NUP188: variants seen among roughly 807,000 people sequenced by gnomAD.
NUP188 encodes the protein nucleoporin 188.
Under a neutral mutation model 223.0 loss-of-function variants are expected in NUP188, and 97 were observed. That is an observed-to-expected ratio of 0.43 (90% CI 0.37 to 0.51). The LOEUF is 0.51. Among genes scored for constraint, NUP188 ranks in the 20% least tolerant of loss-of-function variants. The pLI, the probability that NUP188 is intolerant of heterozygous loss-of-function variation, is 0.00. For missense variants in NUP188, 1,947 were observed against 2,175.6 expected (o/e 0.89, Z 2.09); for synonymous variants, 869 against 828.0 (o/e 1.05, Z -0.85).
At chr9:128,969,074 T>C (rs894491407) in intron 9 of NUP188, among the ~76,000 whole-genome samples, 1 of 152,206 alleles carries the variant, frequency 6.6e-6, no homozygotes, top group African/African-American at 2.4e-5. Context: ...CTATGGACTT[T>C]AAATTTCTTG....
At position 129,006,222 on chromosome 9, in the gene NUP188, C is replaced by T; in HGVS notation, c.4944-17C>T. Reference sequence around the variant, plus strand: ...TGGCCCTCTGCAGCAGTACCAAAAACCTGTGTCTCCTCCCAGGTCCCTCCT... The same window carrying T: ...TGGCCCTCTGCAGCAGTACCAAAAATCTGTGTCTCCTCCCAGGTCCCTCCT... On this transcript the variant is annotated splice_polypyrimidine_tract_variant and intron_variant, in intron 42 of 43. Transcript: ENST00000372577. The T allele has an allele frequency of 6.2e-7, 1 of 1,614,192 alleles. No individual in the cohort carries two copies. Among genetic ancestry groups the T allele is most frequent in the Non-Finnish European group, 8.5e-7 (1 of 1,180,038 alleles).
In NUP188 at chr9:128,970,768, G is replaced by T. The variant is rs751612765; in HGVS notation, c.923G>T (p.Cys308Phe). 6.2e-7 allele frequency: 1 copy of T among 1,614,108 alleles called. No individual in the cohort carries two copies. The part of the protein sequence containing the change: ...QDGLICQDMD[C>F]LMLTFGDIPH... ...TTCTTCTCTCACTAGGATATGGACT[G>T]TTTAATGTTGACCTTTGGGGACATT... is the stretch of plus-strand genomic sequence containing the variant. Residue 308 changes from cysteine (C) to phenylalanine (F), a missense_variant, in exon 11 of 44, where the codon TGT (cysteine) becomes TTT (phenylalanine). Around this residue, in one of 3 missense-constraint regions of NUP188, gnomAD observed 817 missense variants for 865.8 expected, o/e 0.94. Coordinates refer to ENST00000372577, the MANE Select transcript of NUP188 (RefSeq NM_015354.3).
rs1346817826 is a variant in NUP188 at position 128,959,091 on chromosome 9, A to G, written c.542A>G (p.Tyr181Cys). The G allele has an allele frequency of 6.2e-7, 1 of 1,604,336 alleles. No individual in the cohort carries two copies. The highest frequency in any genetic ancestry group is 1.7e-5 in the Admixed American group (1 of 59,364). ...SKYRQQFEEL[Y>C]KTEAPTWETH... ...TACAGACAGCAGTTCGAAGAGCTTT[A>G]TAAAACTGAAGCACCAACTTGGGAG... Residue 181 changes from tyrosine to cysteine, a missense_variant, in exon 8 of 44, where the codon TAT becomes TGT. Around this residue, in one of 3 missense-constraint regions of NUP188, gnomAD observed 817 missense variants for 865.8 expected, o/e 0.94. Transcript: ENST00000372577.
intron 11 of NUP188, 78 bp from the exon 12 acceptor site, chr9:128,973,082 G>C (rs1408328871): frequency 2.3e-5 from 18 of 770,526 alleles, no homozygotes; most frequent in Non-Finnish European, 2.7e-5. Flanking sequence ...AAGAATATAT[G>C]AATGCGATAG....
Position 128,947,724 on chromosome 9 carries a change from C to A in NUP188, c.5C>A (p.Ala2Glu). The A allele has an allele frequency of 6.8e-7, 1 of 1,468,042 alleles. No individual in the cohort carries two copies. The allele number at this position is 1,468,042 out of a possible 1,614,324, so 90.9% of individuals were successfully genotyped here. A position where few individuals can be genotyped will look rare whatever the true frequency, so the allele number is the denominator to read the frequency against. Residue 2 changes from alanine (A) to glutamate (E), a missense_variant, in exon 1 of 44, where the codon GCG becomes GAG. Coordinates refer to ENST00000372577, the MANE Select transcript of NUP188 (RefSeq NM_015354.3). ...AGGGCGAGCGGGCGCGCGAAGATGG[C>A]GGCGGCCGCCGGCGGGCCGTGTGTG... M[A>E]AAAGGPCVRS...
At chr9:128,973,416 T>C (rs1410688404) in intron 12 of NUP188, among the ~76,000 whole-genome samples, 167 bp downstream of exon 12, 3 of 152,190 alleles carry the variant, frequency 2.0e-5, no homozygotes, top group Non-Finnish European at 2.9e-5. Context: ...GGAGTCCTGC[T>C]CTGTCCCCCA....
intron 5 of NUP188, among the ~76,000 whole-genome samples, chr9:128,957,495 C>T (rs1278158894): frequency 1.3e-5 from 2 of 151,282 alleles, no homozygotes; most frequent in African/African-American, 2.4e-5. Context: ...GATGGAGTTT[C>T]GCTCTGTCTC....
chr9:129,001,807 C>G, intron 35 of NUP188, 77 bp from the exon 36 acceptor site: 2 of 1,594,922 alleles, frequency 1.3e-6, no homozygotes, highest in South Asian at 1.1e-5. Context: ...AAGCTGTGAT[C>G]TAGCCTGAGA....
At chr9:129,001,036 C>CA (rs1173311153) in intron 34 of NUP188, among the ~76,000 whole-genome samples, 2 of 151,530 alleles carry the variant, frequency 1.3e-5, no homozygotes, top group African/African-American at 2.4e-5. Flanking sequence ...GGCTCCATCT[C>CA]AAAAAAAATG....
Position 128,999,880 on chromosome 9 carries a change from AGT to A in NUP188, c.3843+77_3843+78del. On this transcript the variant is annotated intron_variant, in intron 34 of 43. Coordinates refer to ENST00000372577, the MANE Select transcript of NUP188 (RefSeq NM_015354.3). ...TCTGTGCCTGACTCTGGGGATAAGT[AGT>A]GATCAAGACAGATAGTCGCTGCACT... 3 of 1,404,366 alleles carry A rather than the reference AGT, an allele frequency of 2.1e-6. No individual in the cohort carries two copies. In the South Asian group the frequency reaches 3.7e-5, roughly 17 times the overall value. 87.0% of individuals were successfully genotyped at this position (1,404,366 alleles called of 1,614,324 possible).
At position 129,005,626 on chromosome 9, in the gene NUP188, CTCT is replaced by C. The variant is rs1564569978; in HGVS notation, c.4738-17_4738-15del. On this transcript the variant is annotated splice_polypyrimidine_tract_variant and intron_variant, in intron 40 of 43. Transcript: ENST00000372577. The stretch of plus-strand genomic sequence containing the variant: ...GGGGCCTTAATTGGGTCCTGGATGG[CTCT>C]TGTCTTTTCTCGCAGTCCCTGGACC... 1.2e-6 allele frequency: 2 copies of C among 1,612,414 alleles called. No homozygotes were observed. Among genetic ancestry groups the C allele is most frequent in the South Asian group, 2.2e-5 (2 of 90,800 alleles).
rs866403134 is a variant in NUP188, at chr9:128,988,157, C to T, written c.2504C>T (p.Ser835Phe). The stretch of plus-strand genomic sequence containing the variant: ...CTGAAACCTCCTTCTAATGTGGTGT[C>T]CCCCCTGGAACAGGCTCTCTCACAA... The part of the protein sequence containing the change: ...IRLKPPSNVV[S>F]PLEQALSQHG... The change falls in exon 24 of 44, where the codon TCC (serine) becomes TTC (phenylalanine). Residue 835 changes from serine (S) to phenylalanine (F), a missense_variant. Ser to Phe is a radical substitution (Grantham distance 155). Transcript: ENST00000372577. 6.2e-7 allele frequency: 1 copy of T among 1,613,880 alleles called. No individual in the cohort carries two copies. Among genetic ancestry groups the T allele is most frequent in the Non-Finnish European group, 8.5e-7 (1 of 1,179,826 alleles).
At chr9:128,964,335 C>T in intron 8 of NUP188, 1 of 331,250 alleles carries the variant, frequency 3.0e-6, no homozygotes, top group Non-Finnish European at 5.9e-6. Context: ...TTTCTTCCAC[C>T]TAGTGGCTTG....
intron 3 of NUP188, among the ~76,000 whole-genome samples, chr9:128,954,973 C>G (rs193082881): frequency 6.6e-6 from 1 of 151,946 alleles, no homozygotes; most frequent in South Asian, 2.1e-4. Flanking sequence ...GTCTCAGCCT[C>G]CCGAGTAGCT....
At chr9:128,998,826 G>A (rs551936340) in intron 32 of NUP188, among the ~76,000 whole-genome samples, 1 of 151,542 alleles carries the variant, frequency 6.6e-6, no homozygotes, top group African/African-American at 2.4e-5. Flanking sequence ...CCTTTTATGA[G>A]GTATTTTGTC....
chr9:128,949,310 CT>C, intron 2 of NUP188, 67 bp downstream of exon 2: 7 of 1,169,462 alleles, frequency 6.0e-6, no homozygotes, highest in Non-Finnish European at 7.6e-6. Flanking sequence ...CAAAAAAAAC[CT>C]TTTTTTAAAT....
Position 128,987,600 on chromosome 9 carries a change from G to C in NUP188, c.2276G>C (p.Ser759Thr). Reference sequence around the variant, plus strand: ...CCTCTGTCTTCCAGTCATACTCCCAGCCTGCAGTTTCTCTGCATCTGCAGC... The same window carrying C: ...CCTCTGTCTTCCAGTCATACTCCCACCCTGCAGTTTCTCTGCATCTGCAGC... Reference protein sequence around the residue: ...ETDLHSSHTPSLQFLCICSLA... With the variant: ...ETDLHSSHTPTLQFLCICSLA... Residue 759 changes from serine to threonine, a missense_variant, in exon 23 of 44, where the codon AGC becomes ACC. Ser to Thr is a moderately conservative substitution (Grantham distance 58). Coordinates refer to ENST00000372577, the MANE Select transcript of NUP188 (RefSeq NM_015354.3). 1 of 1,612,772 alleles carries C rather than the reference G, an allele frequency of 6.2e-7. No homozygotes were observed. The highest frequency in any genetic ancestry group is 1.1e-5 in the South Asian group (1 of 90,800).
At position 128,993,233 on chromosome 9, in the gene NUP188, G is replaced by T; in HGVS notation, c.2677G>T (p.Asp893Tyr). ...PMSVYACLGN[D>Y]AAAIRDAFLT... The stretch of plus-strand genomic sequence containing the variant: ...GTCAGTGTATGCTTGTCTGGGCAAT[G>T]ATGCGGCTGCCATTCGTGATGCCTT... The change falls in exon 26 of 44, where the codon GAT (aspartate) becomes TAT (tyrosine). Residue 893 changes from aspartate (D) to tyrosine (Y), a missense_variant. By Grantham distance (160) the Asp-to-Tyr change is radical. Transcript: ENST00000372577. The T allele has an allele frequency of 6.2e-7, 1 of 1,614,198 alleles. No homozygotes were observed. Among genetic ancestry groups the T allele is most frequent in the Non-Finnish European group, 8.5e-7 (1 of 1,180,020 alleles).
chr9:129,005,176 T>C lies in NUP188; in HGVS notation c.4464T>C (p.Cys1488=). The change falls in exon 39 of 44, where the codon TGT becomes TGC. Residue 1488 remains cysteine, a synonymous_variant. Transcript: ENST00000372577. ...ACCTGGGTTACTTGTGCCAGGCATG[T>C]ACCTCTCTCCTGCACAGTCGAAAGA... ...QVNLGYLCQA[C]TSLLHSRKML... 6.2e-7 allele frequency: 1 copy of C among 1,614,158 alleles called. No individual in the cohort carries two copies. The highest frequency in any genetic ancestry group is 8.5e-7 in the Non-Finnish European group (1 of 1,179,974).
Sources: gnomAD v4.1 joint callset for allele counts (sites outside exome capture counted in the v4.1 genomes callset) on GRCh38, gnomAD v4.1.1 for gene constraint, gnomAD v4.1.1 regional missense constraint, MANE v1.5 for transcripts, NCBI Gene and HGNC (gene_info 2026-07-23, HGNC 2026-07-21) for gene names.